The following RABGAP1L variants were observed in gnomAD, a reference collection of about 807,000 sequenced individuals.
The protein encoded by RABGAP1L is RAB GTPase activating protein 1 like.
A neutral mutation model predicts 137.7 loss-of-function variants in RABGAP1L; 63 were observed. That is an observed-to-expected ratio of 0.46 (90% confidence interval 0.37 to 0.56). The LOEUF (loss-of-function observed/expected upper bound fraction) is 0.56, where lower values mean the gene tolerates loss of function less well. Ranked by LOEUF, RABGAP1L falls within the 20% of genes least tolerant of loss-of-function variation. The probability of loss-of-function intolerance (pLI) is 0.00; values close to 1 mark genes in which losing one functional copy is unlikely to be tolerated. For missense variants in RABGAP1L, 1,095 were observed against 1,244.0 expected, an observed-to-expected ratio of 0.88 and a Z score of 1.80; for synonymous variants, 431 against 433.7, an observed-to-expected ratio of 0.99 and a Z score of 0.08.
chr1:174,481,882 A>T (rs952451394), intron 13 of RABGAP1L, among the ~76,000 whole-genome samples: 3 of 140,472 alleles, frequency 2.1e-5, no homozygotes, highest in Non-Finnish European at 4.5e-5. Context: ...AATAAAAAAT[A>T]AAAAAAAAAA....
At chr1:174,458,815 C>T (rs941595533) in intron 13 of RABGAP1L, among the ~76,000 whole-genome samples, 7 of 152,048 alleles carry the variant, frequency 4.6e-5, no homozygotes, top group African/African-American at 1.7e-4. Context: ...TTAAACTTCT[C>T]ATCAATAAAT....
intron 13 of RABGAP1L, among the ~76,000 whole-genome samples, chr1:174,434,730 A>G (rs1394512784): frequency 6.6e-6 from 1 of 152,094 alleles, no homozygotes; most frequent in Non-Finnish European, 1.5e-5. Context: ...TTTCCTGATG[A>G]CTGTGGGTGC....
rs148763151 is a variant in RABGAP1L at position 174,568,887 on chromosome 1, TAGA to T, written c.1711-68485_1711-68483del. On this transcript the variant is annotated intron_variant, in intron 13 of 25. Coordinates refer to ENST00000681986, the MANE Select transcript of RABGAP1L (RefSeq NM_001366446.1). Reference sequence around the variant, plus strand: ...AATTGCTTATACAATTTTTAACAGTTAGAAGGAAATTAGTAAGAGAAAAAAATC... The same window carrying T: ...AATTGCTTATACAATTTTTAACAGTTAGGAAATTAGTAAGAGAAAAAAATC... 9.6e-3 allele frequency among the ~76,000 whole-genome samples: 1,461 copies of T among 152,192 alleles called. 7 individuals are homozygous for T. The highest frequency in any genetic ancestry group is 0.015 in the Non-Finnish European group (1,052 of 68,024).
intron 11 of RABGAP1L, among the ~76,000 whole-genome samples, chr1:174,311,308 G>T (rs1330979190): frequency 1.3e-5 from 2 of 152,146 alleles, no homozygotes; most frequent in Non-Finnish European, 2.9e-5. Flanking sequence ...GATGTCATGA[G>T]AATTCATTCA....
At chr1:174,910,087 T>C (rs377535194) in intron 19 of RABGAP1L, among the ~76,000 whole-genome samples, 2 of 152,068 alleles carry the variant, frequency 1.3e-5, no homozygotes, top group East Asian at 1.9e-4. Context: ...TGCAGTGAGC[T>C]GAGATTTCGC....
intron 14 of RABGAP1L, among the ~76,000 whole-genome samples, chr1:174,638,892 T>G (rs55771463): frequency 0.48 from 47,998 of 98,970 alleles, 12,057 homozygotes; most frequent in African/African-American, 0.76. Context: ...GTGGTGGGGT[T>G]GGGGGAGGGG....
intron 14 of RABGAP1L, among the ~76,000 whole-genome samples, chr1:174,659,783 A>G (rs1008082955): frequency 6.6e-5 from 10 of 152,228 alleles, no homozygotes; most frequent in Admixed American, 1.3e-4. Context: ...AGAATGTTTG[A>G]TCTTTCTCAC....
At chr1:174,180,814 A>G (rs1666291781) in intron 1 of RABGAP1L, among the ~76,000 whole-genome samples, 1 of 152,108 alleles carries the variant, frequency 6.6e-6, no homozygotes, top group Admixed American at 6.6e-5. Context: ...GCCTCTGAAT[A>G]ATATATATTT....
intron 19 of RABGAP1L, among the ~76,000 whole-genome samples, chr1:174,946,982 A>ATG (rs1280754674): frequency 4.3e-5 from 5 of 116,312 alleles, no homozygotes; most frequent in South Asian, 2.5e-4. Context: ...GTGTGTGTGT[A>ATG]TATATATGTA....
intron 13 of RABGAP1L, among the ~76,000 whole-genome samples, chr1:174,559,245 TTATC>T (rs1468445234): frequency 6.6e-6 from 1 of 152,198 alleles, no homozygotes; most frequent in African/African-American, 2.4e-5. Context: ...TCTTAGAACT[TTATC>T]TATTCAAGGT....
chr1:174,664,723 C>CTGCTTTTTTT (rs1557963963), intron 14 of RABGAP1L, among the ~76,000 whole-genome samples: 2 of 111,412 alleles, frequency 1.8e-5, no homozygotes, highest in African/African-American at 9.1e-5. Flanking sequence ...TTCTTTCTTT[C>CTGCTTTTTTT]TTTCTGCTTT....
At chr1:174,609,863 A>G (rs1671061474) in intron 13 of RABGAP1L, among the ~76,000 whole-genome samples, 1 of 152,098 alleles carries the variant, frequency 6.6e-6, no homozygotes, top group South Asian at 2.1e-4. Context: ...AAGCTCAATG[A>G]GCAAACCCCA....
At chr1:174,841,435 A>C (rs949621974) in intron 19 of RABGAP1L, among the ~76,000 whole-genome samples, 1 of 152,108 alleles carries the variant, frequency 6.6e-6, no homozygotes, top group Admixed American at 6.5e-5. Flanking sequence ...AATACATATC[A>C]GAACTTGTGA....
Position 174,946,733 on chromosome 1 carries a change from TC to T in RABGAP1L, c.2341-10723del, listed in dbSNP as rs1666823155. On this transcript the variant is annotated intron_variant, in intron 19 of 25. Coordinates refer to ENST00000681986, the MANE Select transcript of RABGAP1L (RefSeq NM_001366446.1). The stretch of plus-strand genomic sequence containing the variant: ...CTAGCCAACATGGTAAAACCCCATC[TC>T]TACTAAAAATACAAAAATTAGCCAA... 2.6e-5 allele frequency among the ~76,000 whole-genome samples: 4 copies of T among 151,250 alleles called. No homozygotes were observed. In the South Asian group the frequency reaches 8.4e-4, roughly 32 times the overall value.
intron 13 of RABGAP1L, among the ~76,000 whole-genome samples, chr1:174,476,036 G>T (rs1382553910): frequency 6.6e-6 from 1 of 152,026 alleles, no homozygotes. Context: ...TGAATTCTGG[G>T]TTTGGCTCCA....
chr1:174,195,654 T>TTCC (rs752150410), intron 1 of RABGAP1L, among the ~76,000 whole-genome samples: 3,658 of 75,656 alleles, frequency 0.048, 129 homozygotes, highest in Admixed American at 0.058. Context: ...CCTTCCTTCC[T>TTCC]TTCCTTTCCT....
chr1:174,315,784 G>T (rs1245578125), intron 11 of RABGAP1L, among the ~76,000 whole-genome samples: 1 of 151,722 alleles, frequency 6.6e-6, no homozygotes, highest in Non-Finnish European at 1.5e-5. Flanking sequence ...TTGAATATTG[G>T]TATCTTTCTC....
intron 13 of RABGAP1L, among the ~76,000 whole-genome samples, chr1:174,606,633 T>G (rs1444322101): frequency 6.6e-6 from 1 of 152,250 alleles, no homozygotes; most frequent in African/African-American, 2.4e-5. Flanking sequence ...TTCATGTCTT[T>G]GGTAACCTCA....
At chr1:174,610,764 G>C (rs1201390661) in intron 13 of RABGAP1L, among the ~76,000 whole-genome samples, 1 of 152,190 alleles carries the variant, frequency 6.6e-6, no homozygotes, top group East Asian at 1.9e-4. Flanking sequence ...GTGTGAGATA[G>C]TATCTCATTG....
Sources: allele counts gnomAD v4.1 joint callset (sites outside exome capture counted in the v4.1 genomes callset), GRCh38; gene constraint gnomAD v4.1.1; transcripts MANE v1.5; gene names NCBI Gene and HGNC (gene_info 2026-07-23, HGNC 2026-07-21).